MICU1: variants seen among roughly 807,000 people sequenced by gnomAD.
The protein encoded by MICU1 is calcium uptake protein 1, mitochondrial.
A neutral mutation model predicts 56.8 loss-of-function variants in MICU1; 45 were observed. The observed-to-expected ratio is 0.79, with a 90% CI of 0.62 to 1.02. The LOEUF (loss-of-function observed/expected upper bound fraction) is 1.02. Among genes scored for constraint, MICU1 ranks in the 50% least tolerant of loss-of-function variants. The pLI is 0.00. For synonymous variants in MICU1, 186 were observed against 195.1 expected, an observed-to-expected ratio of 0.95 and a Z score of 0.39; for missense variants, 504 against 587.1, an observed-to-expected ratio of 0.86 and a Z score of 1.46.
chr10:72,587,464 C>CAAA (rs35303837), intron 1 of MICU1, among the ~76,000 whole-genome samples: 2,123 of 92,678 alleles, frequency 0.023, 130 homozygotes, highest in African/African-American at 0.085. Context: ...CAGCATGTCT[C>CAAA]AAAAAAAAAA....
At chr10:72,542,662 T>C (rs1839802582) in intron 4 of MICU1, among the ~76,000 whole-genome samples, 1 of 152,234 alleles carries the variant, frequency 6.6e-6, no homozygotes, top group Non-Finnish European at 1.5e-5. Context: ...CATCCACAGA[T>C]GGCTTAAGTG....
chr10:72,573,159 T>G (rs1840651645), intron 1 of MICU1, among the ~76,000 whole-genome samples: 1 of 150,606 alleles, frequency 6.6e-6, no homozygotes, highest in Non-Finnish European at 1.5e-5. Flanking sequence ...ATGAAAAAAG[T>G]TCATAGTGTT....
At chr10:72,455,350 C>CAAAAAA (rs56378605) in intron 8 of MICU1, among the ~76,000 whole-genome samples, 1 of 44,212 alleles carries the variant, frequency 2.3e-5, no homozygotes, top group Non-Finnish European at 4.3e-5. Flanking sequence ...GACTCTGTCT[C>CAAAAAA]AAAAAAAAAA....
At chr10:72,623,227 C>A (rs773147459) in intron 1 of MICU1, among the ~76,000 whole-genome samples, 5 of 144,210 alleles carry the variant, frequency 3.5e-5, no homozygotes, top group Non-Finnish European at 7.5e-5. Context: ...GCCAAAATCG[C>A]GCCATTGCAC....
intron 1 of MICU1, among the ~76,000 whole-genome samples, chr10:72,603,213 C>A (rs1009626705): frequency 1.3e-5 from 2 of 151,300 alleles, no homozygotes; most frequent in Non-Finnish European, 3.0e-5. Context: ...ATGGCAAAAC[C>A]CCATCTCTAC....
intron 9 of MICU1, among the ~76,000 whole-genome samples, chr10:72,413,829 T>C (rs1226068391): frequency 6.6e-6 from 1 of 152,154 alleles, no homozygotes; most frequent in Non-Finnish European, 1.5e-5. Flanking sequence ...AAAAAAAGAT[T>C]TGAATAGACA....
At chr10:72,522,024 T>G (rs922602893) in intron 5 of MICU1, among the ~76,000 whole-genome samples, 24 of 152,038 alleles carry the variant, frequency 1.6e-4, no homozygotes, top group Non-Finnish European at 2.2e-4. Flanking sequence ...GTTTAGAATT[T>G]TAAAAAATAC....
At chr10:72,515,587 T>G (rs1477548746) in intron 5 of MICU1, among the ~76,000 whole-genome samples, 1 of 152,178 alleles carries the variant, frequency 6.6e-6, no homozygotes, top group Non-Finnish European at 1.5e-5. Flanking sequence ...TGTTACTACC[T>G]TCTCCAAAAA....
At chr10:72,565,912 T>C (rs1205669198) in intron 2 of MICU1, among the ~76,000 whole-genome samples, 1 of 152,100 alleles carries the variant, frequency 6.6e-6, no homozygotes, top group Non-Finnish European at 1.5e-5. Context: ...CTCACTACAT[T>C]TTCTCTTCTT....
rs540667748 is a variant in MICU1, at chr10:72,404,887, C to T, written c.1180+3042G>A. Among the ~76,000 whole-genome samples, 8 of 151,866 alleles carry T rather than the reference C, an allele frequency of 5.3e-5. No homozygotes were observed. In the South Asian group the frequency reaches 1.7e-3, roughly 32 times the overall value. ...TTCTGAAAACAGAGAAGGAAAAATC[C>T]CTCATTTTATTTATTTACTTATTTA... On this transcript the variant is annotated intron_variant, in intron 10 of 11. Coordinates refer to ENST00000361114, the MANE Select transcript of MICU1 (RefSeq NM_001195518.2).
At chr10:72,539,646 A>C (rs1030477539) in intron 4 of MICU1, among the ~76,000 whole-genome samples, 9 of 152,198 alleles carry the variant, frequency 5.9e-5, no homozygotes, top group African/African-American at 2.2e-4. Flanking sequence ...GAAAGCCCTC[A>C]AATAAACAAC....
intron 1 of MICU1, among the ~76,000 whole-genome samples, chr10:72,580,822 A>G (rs1302295768): frequency 6.6e-6 from 1 of 152,236 alleles, no homozygotes; most frequent in African/African-American, 2.4e-5. Flanking sequence ...AAATACTTGA[A>G]TAAATTATCC....
At chr10:72,625,784 G>A (rs1223165522) in intron 1 of MICU1, among the ~76,000 whole-genome samples, 13 of 152,156 alleles carry the variant, frequency 8.5e-5, no homozygotes, top group Admixed American at 7.9e-4. Context: ...TTGGGGTGAA[G>A]GAAAGTGGAG....
At chr10:72,617,547 T>C (rs1842011441) in intron 1 of MICU1, among the ~76,000 whole-genome samples, 1 of 152,144 alleles carries the variant, frequency 6.6e-6, no homozygotes, top group Non-Finnish European at 1.5e-5. Context: ...ACACCTGTAA[T>C]GTAGAAACCC....
chr10:72,456,947 GT>G (rs1865487470), intron 8 of MICU1, among the ~76,000 whole-genome samples: 3 of 19,278 alleles, frequency 1.6e-4, no homozygotes, highest in Non-Finnish European at 2.6e-4. Flanking sequence ...TATTGCCCAG[GT>G]GTGTGTGTGT....
chr10:72,413,955 CTG>C (rs1288892841), intron 9 of MICU1, among the ~76,000 whole-genome samples: 1 of 152,142 alleles, frequency 6.6e-6, no homozygotes, highest in Non-Finnish European at 1.5e-5. Flanking sequence ...ATTGGAATGA[CTG>C]TAATAAAGAA....
At chr10:72,399,242 C>T (rs1320335513) in intron 10 of MICU1, among the ~76,000 whole-genome samples, 1 of 151,318 alleles carries the variant, frequency 6.6e-6, no homozygotes, top group Non-Finnish European at 1.5e-5. Context: ...TGTTCTCACT[C>T]ATAGGTGGGA....
intron 8 of MICU1, among the ~76,000 whole-genome samples, chr10:72,428,009 A>C (rs1864406129): frequency 6.6e-6 from 1 of 152,128 alleles, no homozygotes. Context: ...TGACATACAC[A>C]TTTCATAGTT....
At chr10:72,612,410 C>A (rs1841875507) in intron 1 of MICU1, among the ~76,000 whole-genome samples, 1 of 152,116 alleles carries the variant, frequency 6.6e-6, no homozygotes, top group African/African-American at 2.4e-5. Context: ...GACTTAGGAG[C>A]CATTTTCCTA....
Sources: allele counts gnomAD v4.1 joint callset (sites outside exome capture counted in the v4.1 genomes callset), GRCh38; gene constraint gnomAD v4.1.1; transcripts MANE v1.5; gene names NCBI Gene and HGNC (gene_info 2026-07-23, HGNC 2026-07-21).